Variants in BNC2 observed in about 807,000 individuals in gnomAD.
The protein encoded by BNC2 is basonuclin zinc finger protein 2.
A neutral mutation model predicts 76.3 loss-of-function variants in BNC2; 20 were observed. The ratio of observed to expected loss-of-function variants is 0.26; its 90% CI spans 0.18 to 0.38. The LOEUF is 0.38. Among genes scored for constraint, BNC2 ranks in the 10% least tolerant of loss-of-function variants. The pLI is 1.00. For synonymous variants in BNC2, 582 were observed against 514.8 expected, an observed-to-expected ratio of 1.13 and a Z score of -1.77; for missense variants, 1,382 against 1,399.8, an observed-to-expected ratio of 0.99 and a Z score of 0.20.
intron 1 of BNC2, among the ~76,000 whole-genome samples, chr9:16,813,298 C>A (rs1307647804): frequency 6.6e-6 from 1 of 151,462 alleles, no homozygotes; most frequent in Admixed American, 6.6e-5. Flanking sequence ...CGGAGTCTGG[C>A]TCTGTCGCCC....
chr9:16,739,799 T>A (rs1180533662), intron 1 of BNC2, among the ~76,000 whole-genome samples: 1 of 152,040 alleles, frequency 6.6e-6, no homozygotes, highest in Non-Finnish European at 1.5e-5. Flanking sequence ...AAATGAGAAG[T>A]GTCAACAATG....
chr9:16,700,815 A>T (rs1369428170), intron 3 of BNC2, among the ~76,000 whole-genome samples: 2 of 152,066 alleles, frequency 1.3e-5, no homozygotes, highest in Non-Finnish European at 2.9e-5. Flanking sequence ...CAAAAGAAAA[A>T]AATTAACTGA....
intron 5 of BNC2, among the ~76,000 whole-genome samples, chr9:16,473,034 C>A (rs943749): frequency 0.13 from 20,282 of 152,082 alleles, 1,887 homozygotes; most frequent in East Asian, 0.34. Context: ...TGGAAAAGGA[C>A]ACACATCTGG....
At chr9:16,514,726 A>G (rs1381942614) in intron 5 of BNC2, among the ~76,000 whole-genome samples, 2 of 152,186 alleles carry the variant, frequency 1.3e-5, no homozygotes, top group Non-Finnish European at 1.5e-5. Flanking sequence ...CTTAATTTCT[A>G]TAGTCACCAG....
chr9:16,811,343 G>T (rs1431348699), intron 1 of BNC2, among the ~76,000 whole-genome samples: 2 of 150,988 alleles, frequency 1.3e-5, no homozygotes, highest in Non-Finnish European at 2.9e-5. Context: ...GTGAGGTCAG[G>T]AGTTCAAGAC....
chr9:16,778,482 C>G (rs1420859690), intron 1 of BNC2, among the ~76,000 whole-genome samples: 1 of 152,124 alleles, frequency 6.6e-6, no homozygotes, highest in Admixed American at 6.5e-5. Context: ...CCACTTCATT[C>G]AAAACAATAA....
intron 3 of BNC2, among the ~76,000 whole-genome samples, chr9:16,687,673 A>G (rs1414261275): frequency 1.3e-5 from 2 of 152,198 alleles, no homozygotes; most frequent in East Asian, 3.8e-4. Context: ...TATATTGCAA[A>G]TTAAGTGTAA....
chr9:16,564,012 T>TAA (rs2132719043), intron 4 of BNC2, among the ~76,000 whole-genome samples: 1 of 152,272 alleles, frequency 6.6e-6, no homozygotes, highest in African/African-American at 2.4e-5. Flanking sequence ...GCATGCATGT[T>TAA]GAGTGATAAA....
intron 3 of BNC2, among the ~76,000 whole-genome samples, chr9:16,592,198 GA>G (rs1819949319): frequency 6.6e-6 from 1 of 151,606 alleles, no homozygotes; most frequent in Admixed American, 6.6e-5. Flanking sequence ...CAAAATAATC[GA>G]AAGAGATTCA....
intron 6 of BNC2, among the ~76,000 whole-genome samples, chr9:16,430,891 G>T (rs1820895905): frequency 6.6e-6 from 1 of 152,142 alleles, no homozygotes; most frequent in South Asian, 2.1e-4. Flanking sequence ...GACACCAATG[G>T]TTACCTCATA....
At chr9:16,775,097 G>C (rs1825927964) in intron 1 of BNC2, among the ~76,000 whole-genome samples, 1 of 152,124 alleles carries the variant, frequency 6.6e-6, no homozygotes, top group African/African-American at 2.4e-5. Flanking sequence ...GCATCATCCA[G>C]GAACTTGCCA....
intron 5 of BNC2, among the ~76,000 whole-genome samples, chr9:16,448,435 G>T (rs893982150): frequency 6.6e-6 from 1 of 152,068 alleles, no homozygotes; most frequent in Non-Finnish European, 1.5e-5. Flanking sequence ...GTTCCATAAG[G>T]TTCCATCTGC....
Position 16,683,420 on chromosome 9 carries a change from C to T in BNC2, c.330+44377G>A, listed in dbSNP as rs916429495. On this transcript the variant is annotated intron_variant, in intron 3 of 6. Coordinates refer to ENST00000380672, the MANE Select transcript of BNC2 (RefSeq NM_017637.6). ...ACCGCTGCTCCTAAATTGAGGTGTA[C>T]GGAAGGTTATTCTCAGAATCAAGAG... 3.9e-5 allele frequency among the ~76,000 whole-genome samples: 6 copies of T among 152,238 alleles called. No individual in the cohort carries two copies. In the South Asian group the frequency reaches 8.3e-4, roughly 21 times the overall value.
At chr9:16,716,311 C>T (rs527264591) in intron 3 of BNC2, among the ~76,000 whole-genome samples, 1 of 152,248 alleles carries the variant, frequency 6.6e-6, no homozygotes, top group African/African-American at 2.4e-5. Context: ...ACATGTATGC[C>T]ACCATCTGAC....
chr9:16,861,968 G>A (rs374858784), intron 1 of BNC2, among the ~76,000 whole-genome samples: 4 of 150,942 alleles, frequency 2.7e-5, no homozygotes, highest in South Asian at 2.1e-4. Context: ...CAGCCTGGGC[G>A]ACAGAGCGAG....
chr9:16,485,522 C>T (rs1822145907), intron 5 of BNC2, among the ~76,000 whole-genome samples: 1 of 152,200 alleles, frequency 6.6e-6, no homozygotes, highest in African/African-American at 2.4e-5. Flanking sequence ...TTAACCCAGT[C>T]AAGGGATCAT....
chr9:16,629,854 A>G (rs7047710), intron 3 of BNC2, among the ~76,000 whole-genome samples: 3,910 of 152,288 alleles, frequency 0.026, 179 homozygotes, highest in African/African-American at 0.089. Flanking sequence ...TCTTGCCTAG[A>G]TGTTGATGGC....
At chr9:16,741,479 C>T (rs1035040871) in intron 1 of BNC2, among the ~76,000 whole-genome samples, 1 of 151,598 alleles carries the variant, frequency 6.6e-6, no homozygotes, top group African/African-American at 2.4e-5. Context: ...AACTCTGAAT[C>T]AGTAAGAAAT....
chr9:16,650,613 T>C (rs907381432), intron 3 of BNC2, among the ~76,000 whole-genome samples: 10 of 152,144 alleles, frequency 6.6e-5, no homozygotes, highest in Non-Finnish European at 1.3e-4. Flanking sequence ...AATAATGGCA[T>C]TTCAGACCAA....
Sources: allele counts gnomAD v4.1 joint callset (sites outside exome capture counted in the v4.1 genomes callset), GRCh38; gene constraint gnomAD v4.1.1; transcripts MANE v1.5; gene names NCBI Gene and HGNC (gene_info 2026-07-23, HGNC 2026-07-21).